The following EFCAB6 variants were observed in gnomAD, a reference collection of about 807,000 sequenced individuals.
EFCAB6 encodes the protein EF-hand calcium-binding domain-containing protein 6.
EFCAB6 carries 156 observed loss-of-function variants against 169.8 expected under a neutral mutation model. That is an observed-to-expected ratio of 0.92 (90% CI 0.81 to 1.05). The LOEUF is 1.05. Among genes scored for constraint, EFCAB6 ranks in the 50% least tolerant of loss-of-function variants. The pLI, the probability that EFCAB6 is intolerant of heterozygous loss-of-function variation, is 0.00. For synonymous variants in EFCAB6, 698 were observed against 676.4 expected, an observed-to-expected ratio of 1.03 and a Z score of -0.50; for missense variants, 1,800 against 1,829.1, an observed-to-expected ratio of 0.98 and a Z score of 0.29.
intron 9 of EFCAB6, 197 bp downstream of exon 9, chr22:43,716,651 A>G (rs2059341010): frequency 2.0e-6 from 1 of 510,974 alleles, no homozygotes; most frequent in African/African-American, 2.0e-5. Flanking sequence ...TTAAAAATTA[A>G]TTTCACATCA....
At chr22:43,649,991 C>T (rs75550058) in intron 17 of EFCAB6, among the ~76,000 whole-genome samples, 1 of 152,104 alleles carries the variant, frequency 6.6e-6, no homozygotes, top group African/African-American at 2.4e-5. Context: ...AAGAAACATG[C>T]CCAACACTCT....
chr22:43,692,651 G>A (rs2058450359), intron 10 of EFCAB6, among the ~76,000 whole-genome samples: 1 of 152,090 alleles, frequency 6.6e-6, no homozygotes, highest in African/African-American at 2.4e-5. Context: ...AAAAGAGTGA[G>A]TGAACTTAAA....
At chr22:43,596,706 A>G (rs887828551) in intron 23 of EFCAB6, among the ~76,000 whole-genome samples, 2 of 152,158 alleles carry the variant, frequency 1.3e-5, no homozygotes, top group African/African-American at 4.8e-5. Flanking sequence ...AGCAATCCCT[A>G]CAAAAATACC....
chr22:43,602,650 G>T (rs2052605399), intron 22 of EFCAB6, among the ~76,000 whole-genome samples: 1 of 152,034 alleles, frequency 6.6e-6, no homozygotes, highest in African/African-American at 2.4e-5. Context: ...GCTCCCAGGG[G>T]TTCCTCATTC....
At chr22:43,763,732 T>C (rs2061239833) in intron 5 of EFCAB6, among the ~76,000 whole-genome samples, 2 of 152,314 alleles carry the variant, frequency 1.3e-5, no homozygotes, top group Admixed American at 6.5e-5. Context: ...TTTTTTTCAA[T>C]GAACTAGATA....
chr22:43,575,686 T>A (rs921013660), intron 26 of EFCAB6, among the ~76,000 whole-genome samples: 1 of 151,484 alleles, frequency 6.6e-6, no homozygotes, highest in Non-Finnish European at 1.5e-5. Context: ...ATGGCAAAGA[T>A]GAAAAAAAAA....
At chr22:43,737,267 C>T (rs2060175651) in intron 6 of EFCAB6, among the ~76,000 whole-genome samples, 1 of 152,068 alleles carries the variant, frequency 6.6e-6, no homozygotes, top group Non-Finnish European at 1.5e-5. Flanking sequence ...CCACCCCATA[C>T]ATCATCACTG....
chr22:43,708,973 C>T (rs956929572), intron 10 of EFCAB6, among the ~76,000 whole-genome samples: 52 of 152,294 alleles, frequency 3.4e-4, no homozygotes, highest in African/African-American at 1.2e-3. Flanking sequence ...ATAAGAACAC[C>T]TCAGCCCTGG....
At position 43,590,145 on chromosome 22, in the gene EFCAB6, G is replaced by A. The variant is rs2051375140; in HGVS notation, c.2961C>T (p.Cys987=). 1.2e-6 allele frequency: 2 copies of A among 1,614,068 alleles called. No individual in the cohort carries two copies. Among genetic ancestry groups the A allele is most frequent in the Admixed American group, 1.7e-5 (1 of 60,008 alleles). Residue 987 remains cysteine (C), a synonymous_variant, in exon 24 of 32, where the codon TGC becomes TGT. Coordinates refer to ENST00000262726, the MANE Select transcript of EFCAB6 (RefSeq NM_022785.4). ...ATTCTTCCAGCACTTCCTGCATCTT[G>A]CATATGGATATGTAGTTGGTTTTGG... The part of the protein sequence containing the change: ...DQSKTNYISI[C]KMQEVLEECG...
intron 19 of EFCAB6, among the ~76,000 whole-genome samples, chr22:43,629,926 A>G (rs2054813295): frequency 6.6e-6 from 1 of 152,176 alleles, no homozygotes; most frequent in African/African-American, 2.4e-5. Context: ...CGAATTGTGA[A>G]GTGCAAAGTG....
chr22:43,724,608 G>A (rs1361607125), intron 8 of EFCAB6, among the ~76,000 whole-genome samples: 1 of 152,078 alleles, frequency 6.6e-6, no homozygotes, highest in Admixed American at 6.5e-5. Context: ...GACCTCAAAT[G>A]ATCTGCCTGC....
chr22:43,646,548 G>A (rs955045311), intron 17 of EFCAB6, among the ~76,000 whole-genome samples: 1 of 152,202 alleles, frequency 6.6e-6, no homozygotes, highest in Non-Finnish European at 1.5e-5. Flanking sequence ...GTTTTCGGAT[G>A]TAGACCCTAG....
chr22:43,785,006 T>C (rs540960007), intron 2 of EFCAB6, among the ~76,000 whole-genome samples: 1 of 152,140 alleles, frequency 6.6e-6, no homozygotes, highest in African/African-American at 2.4e-5. Flanking sequence ...TAAACATATA[T>C]GCACCTAACA....
intron 10 of EFCAB6, among the ~76,000 whole-genome samples, chr22:43,710,918 G>T (rs1242323478): frequency 6.6e-6 from 1 of 152,188 alleles, no homozygotes; most frequent in African/African-American, 2.4e-5. Flanking sequence ...AATGCAGATT[G>T]TAAGAAAGCC....
In EFCAB6 at chr22:43,580,413, T is replaced by C. The variant is rs1263802848; in HGVS notation, c.3228+51A>G. ...TTTCAGGGTGGGGCTGAGAGGTGTTTTCATGAATCAAGATGAGTTTTCACA... is the reference window on the plus strand; with the variant it reads ...TTTCAGGGTGGGGCTGAGAGGTGTTCTCATGAATCAAGATGAGTTTTCACA... On this transcript the variant is annotated intron_variant, in intron 25 of 31. Coordinates refer to ENST00000262726, the MANE Select transcript of EFCAB6 (RefSeq NM_022785.4). The C allele has an allele frequency of 1.9e-6, 3 of 1,590,446 alleles. No homozygotes were observed. The South Asian group carries it at 3.4e-5, about 18-fold the overall frequency.
intron 8 of EFCAB6, among the ~76,000 whole-genome samples, chr22:43,719,077 G>C (rs1227937473): frequency 6.6e-6 from 1 of 152,178 alleles, no homozygotes; most frequent in Non-Finnish European, 1.5e-5. Flanking sequence ...TGTCTGGCTT[G>C]GAAGGGTGGA....
intron 22 of EFCAB6, among the ~76,000 whole-genome samples, chr22:43,605,606 T>C (rs2052862103): frequency 1.3e-5 from 2 of 151,634 alleles, no homozygotes; most frequent in Non-Finnish European, 2.9e-5. Flanking sequence ...ATCGTGCCAC[T>C]GCACTCCAGC....
intron 26 of EFCAB6, among the ~76,000 whole-genome samples, chr22:43,561,818 T>C (rs1181943147): frequency 6.6e-6 from 1 of 152,078 alleles, no homozygotes; most frequent in African/African-American, 2.4e-5. Context: ...AGAAGAAATG[T>C]TTCTCCTAAT....
chr22:43,748,755 A>C (rs1320749277), intron 6 of EFCAB6, among the ~76,000 whole-genome samples: 1 of 152,200 alleles, frequency 6.6e-6, no homozygotes, highest in Non-Finnish European at 1.5e-5. Flanking sequence ...ACATTTCAGA[A>C]TGTTCTACGT....
Sources: gnomAD v4.1 joint callset for allele counts (sites outside exome capture counted in the v4.1 genomes callset) on GRCh38, gnomAD v4.1.1 for gene constraint, MANE v1.5 for transcripts, NCBI Gene and HGNC (gene_info 2026-07-23, HGNC 2026-07-21) for gene names.